Variants in ATXN10 observed in about 807,000 individuals in gnomAD.
ATXN10 encodes the protein ataxin-10.
A neutral mutation model predicts 52.9 loss-of-function variants in ATXN10; 28 were observed. The ratio of observed to expected loss-of-function variants is 0.53; its 90% CI spans 0.39 to 0.73. The LOEUF (loss-of-function observed/expected upper bound fraction) is 0.73. Ranked by LOEUF, ATXN10 falls within the 30% of genes least tolerant of loss-of-function variation. The pLI, the probability that ATXN10 is intolerant of heterozygous loss-of-function variation, is 0.00. For synonymous variants in ATXN10, 226 were observed against 221.5 expected (o/e 1.02, Z -0.18); for missense variants, 565 against 577.0 (o/e 0.98, Z 0.21).
intron 5 of ATXN10, among the ~76,000 whole-genome samples, chr22:45,707,571 T>G (rs988726254): frequency 1.0e-4 from 15 of 150,120 alleles, no homozygotes; most frequent in Admixed American, 2.0e-4. Context: ...TCATCTGCAG[T>G]TTTTTTTTAG....
Position 45,684,201 on chromosome 22 carries a change from T to G in ATXN10, c.117-5511T>G, listed in dbSNP as rs1923042073. Reference sequence around the variant, plus strand: ...AGGCAGGTCTTGAACTCTCCTGGCTTCTGCCTCTCAAAGCACTGGAATTAT... The same window carrying G: ...AGGCAGGTCTTGAACTCTCCTGGCTGCTGCCTCTCAAAGCACTGGAATTAT... On this transcript the variant is annotated intron_variant, in intron 1 of 11. Transcript: ENST00000252934. This position sits in a 1 kb window ranked among gnomAD's most constrained non-coding sequence, Gnocchi z 4.1. Among the ~76,000 whole-genome samples, 1 of 151,944 alleles carries G rather than the reference T, an allele frequency of 6.6e-6. No homozygotes were observed. Among genetic ancestry groups the G allele is most frequent in the African/African-American group, 2.4e-5 (1 of 41,374 alleles).
intron 9 of ATXN10, chr22:45,793,610 T>C: frequency 7.5e-7 from 1 of 1,326,172 alleles, no homozygotes; most frequent in Non-Finnish European, 9.7e-7. Flanking sequence ...TAGGCAGCTA[T>C]TGCTTCAGAA....
intron 9 of ATXN10, among the ~76,000 whole-genome samples, chr22:45,764,842 A>G (rs2146833958): frequency 6.6e-6 from 1 of 152,358 alleles, no homozygotes; most frequent in East Asian, 1.9e-4. Flanking sequence ...CTAGGATGTC[A>G]GTGCTGTCTG....
chr22:45,825,530 TAATG>T lies in ATXN10; in HGVS notation c.1238-17458_1238-17455del, dbSNP rs967633669. ...TGCAACAATCCAGAAATAATAATAA[TAATG>T]AACAGTAACAAAAGTAGCAAACACT... On this transcript the variant is annotated intron_variant, in intron 10 of 11. Transcript: ENST00000252934. This position sits in a 1 kb window ranked among gnomAD's most constrained non-coding sequence, Gnocchi z 4.5. Among the ~76,000 whole-genome samples, 3 of 152,086 alleles carry T rather than the reference TAATG, an allele frequency of 2.0e-5. No homozygotes were observed. Among genetic ancestry groups the T allele is most frequent in the African/African-American group, 4.8e-5 (2 of 41,386 alleles).
chr22:45,810,781 G>A (rs1465981952), intron 10 of ATXN10, among the ~76,000 whole-genome samples: 1 of 152,034 alleles, frequency 6.6e-6, no homozygotes, highest in Non-Finnish European at 1.5e-5. Flanking sequence ...TTGACTCGTG[G>A]ATTATTAGAA....
In ATXN10 at chr22:45,708,425, A is replaced by G. The variant is rs1344002444; in HGVS notation, c.647+5578A>G. On this transcript the variant is annotated intron_variant, in intron 5 of 11. Coordinates refer to ENST00000252934, the MANE Select transcript of ATXN10 (RefSeq NM_013236.4). The surrounding 1 kb of genome is among the most constrained non-coding windows in gnomAD (Gnocchi z 5.3). ...ATCCTGTGAATTGTATTTTGCTACT[A>G]TGTACCTATGAAAGTTAAGCAGAGT... Among the ~76,000 whole-genome samples, 1 of 152,202 alleles carries G rather than the reference A, an allele frequency of 6.6e-6. No individual in the cohort carries two copies. Among genetic ancestry groups the G allele is most frequent in the Non-Finnish European group, 1.5e-5 (1 of 68,038 alleles).
At chr22:45,758,881 G>A (rs1162039777) in intron 9 of ATXN10, among the ~76,000 whole-genome samples, 1 of 152,132 alleles carries the variant, frequency 6.6e-6, no homozygotes, top group East Asian at 1.9e-4. Context: ...CAAGCTTACC[G>A]TTTATTCTGC....
At chr22:45,720,965 A>G (rs1032183948) in intron 6 of ATXN10, among the ~76,000 whole-genome samples, 2 of 152,156 alleles carry the variant, frequency 1.3e-5, no homozygotes, top group African/African-American at 4.8e-5. Flanking sequence ...CATTACAGAG[A>G]CACAGTCCCT....
At chr22:45,764,434 A>C (rs996229186) in intron 9 of ATXN10, among the ~76,000 whole-genome samples, 1 of 151,796 alleles carries the variant, frequency 6.6e-6, no homozygotes, top group Non-Finnish European at 1.5e-5. Flanking sequence ...TTGAGTCTCA[A>C]CTCTCAAAAG....
chr22:45,684,584 T>C lies in ATXN10; in HGVS notation c.117-5128T>C, dbSNP rs1923060540. 6.6e-6 allele frequency among the ~76,000 whole-genome samples: 1 copy of C among 152,186 alleles called. No individual in the cohort carries two copies. The highest frequency in any genetic ancestry group is 1.5e-5 in the Non-Finnish European group (1 of 68,036). Reference sequence around the variant, plus strand: ...TAGAGCCCAGCCATGTTCACTTGTTTAGGTGTTTCCTGTGGCTGCGTTTGT... The same window carrying C: ...TAGAGCCCAGCCATGTTCACTTGTTCAGGTGTTTCCTGTGGCTGCGTTTGT... On this transcript the variant is annotated intron_variant, in intron 1 of 11. Transcript: ENST00000252934. The surrounding 1 kb of genome is among the most constrained non-coding windows in gnomAD (Gnocchi z 4.1).
rs1601670900 is a variant in ATXN10 at position 45,825,897 on chromosome 22, C to T, written c.1238-17094C>T. 6.6e-6 allele frequency among the ~76,000 whole-genome samples: 1 copy of T among 152,026 alleles called. No individual in the cohort carries two copies. Among genetic ancestry groups the T allele is most frequent in the South Asian group, 2.1e-4 (1 of 4,822 alleles). On this transcript the variant is annotated intron_variant, in intron 10 of 11. Coordinates refer to ENST00000252934, the MANE Select transcript of ATXN10 (RefSeq NM_013236.4). The surrounding 1 kb of genome is among the most constrained non-coding windows in gnomAD (Gnocchi z 4.5). ...CCAGCCTGGTAACATGGCAAAACCC[C>T]ATCTCTACAAAAATTAGCCCCAGGC...
rs1273908060 is a variant in ATXN10 at position 45,705,594 on chromosome 22, G to A, written c.647+2747G>A. ...ATTGCAGGTGCCCGCCACCACACCC[G>A]GCTAATTTTTTTTGTATTTTTAGTA... is the stretch of plus-strand genomic sequence containing the variant. On this transcript the variant is annotated intron_variant, in intron 5 of 11. Coordinates refer to ENST00000252934, the MANE Select transcript of ATXN10 (RefSeq NM_013236.4). The surrounding 1 kb of genome is among the most constrained non-coding windows in gnomAD (Gnocchi z 5.2). Among the ~76,000 whole-genome samples the A allele has an allele frequency of 2.6e-5, 4 of 151,940 alleles. No individual in the cohort carries two copies. Among genetic ancestry groups the A allele is most frequent in the East Asian group, 1.9e-4 (1 of 5,174 alleles).
At chr22:45,716,145 G>A (rs533179771) in intron 5 of ATXN10, among the ~76,000 whole-genome samples, 26 of 152,212 alleles carry the variant, frequency 1.7e-4, no homozygotes, top group African/African-American at 6.0e-4. Context: ...CATGCGTGTA[G>A]TTCTATCTAC....
rs1926570057 is a variant in ATXN10 at position 45,766,025 on chromosome 22, C to T, written c.1173+25487C>T. On this transcript the variant is annotated intron_variant, in intron 9 of 11. Coordinates refer to ENST00000252934, the MANE Select transcript of ATXN10 (RefSeq NM_013236.4). The surrounding 1 kb of genome is among the most constrained non-coding windows in gnomAD (Gnocchi z 4.6). ...AACCTGGCATTGGCACGTGAAGGGGCTGACAGGCTAATGGGGCACAGTAGA... is the reference window on the plus strand; with the variant it reads ...AACCTGGCATTGGCACGTGAAGGGGTTGACAGGCTAATGGGGCACAGTAGA... Among the ~76,000 whole-genome samples the T allele has an allele frequency of 6.6e-6, 1 of 152,190 alleles. No homozygotes were observed. The highest frequency in any genetic ancestry group is 2.4e-5 in the African/African-American group (1 of 41,448).
rs1927327095 is a variant in ATXN10 at position 45,786,478 on chromosome 22, C to T, written c.1174-20481C>T. On this transcript the variant is annotated intron_variant, in intron 9 of 11. Coordinates refer to ENST00000252934, the MANE Select transcript of ATXN10 (RefSeq NM_013236.4). The surrounding 1 kb of genome is among the most constrained non-coding windows in gnomAD (Gnocchi z 4.1). ...CGTGCAGTGGTGCAGTCCTTGTGTGCGAAGCTGGGCGCCAGTGCAGCCCGC... is the reference window on the plus strand; with the variant it reads ...CGTGCAGTGGTGCAGTCCTTGTGTGTGAAGCTGGGCGCCAGTGCAGCCCGC... 6.6e-6 allele frequency among the ~76,000 whole-genome samples: 1 copy of T among 152,150 alleles called. No homozygotes were observed. The highest frequency in any genetic ancestry group is 6.5e-5 in the Admixed American group (1 of 15,278).
intron 10 of ATXN10, among the ~76,000 whole-genome samples, chr22:45,814,263 C>T (rs1928384810): frequency 6.6e-6 from 1 of 152,116 alleles, no homozygotes. Flanking sequence ...AGGACTTCTA[C>T]AAAACAACAA....
At chr22:45,831,630 T>C (rs1928995723) in intron 10 of ATXN10, among the ~76,000 whole-genome samples, 1 of 152,218 alleles carries the variant, frequency 6.6e-6, no homozygotes, top group African/African-American at 2.4e-5. Context: ...TATCTTCATT[T>C]TATAGAGGAG....
intron 5 of ATXN10, among the ~76,000 whole-genome samples, chr22:45,713,042 A>G (rs1924310152): frequency 6.6e-6 from 1 of 152,072 alleles, no homozygotes; most frequent in South Asian, 2.1e-4. Flanking sequence ...TAGCATCGCC[A>G]TTGTATGCAT....
At chr22:45,793,659 G>A in intron 9 of ATXN10, 1 of 1,411,904 alleles carries the variant, frequency 7.1e-7, no homozygotes, top group South Asian at 1.9e-5. Flanking sequence ...AAGGATGCAG[G>A]TGCCACAGCA....
Sources: allele counts gnomAD v4.1 joint callset (sites outside exome capture counted in the v4.1 genomes callset), GRCh38; gene constraint gnomAD v4.1.1; non-coding constraint Gnocchi (gnomAD v3.1); transcripts MANE v1.5; gene names NCBI Gene and HGNC (gene_info 2026-07-23, HGNC 2026-07-21).